Variants in LNX2 observed in about 807,000 individuals in gnomAD.
LNX2 encodes the protein ligand of Numb protein X 2.
In LNX2, 35 loss-of-function variants were observed where a neutral mutation model predicts 66.2. That is an observed-to-expected ratio of 0.53 (90% CI 0.40 to 0.70). The LOEUF (loss-of-function observed/expected upper bound fraction) is 0.70. Ranked by LOEUF, LNX2 falls within the 30% of genes least tolerant of loss-of-function variation. The pLI is 0.00. For synonymous variants in LNX2, 337 were observed against 315.6 expected (o/e 1.07, Z -0.72); for missense variants, 791 against 850.8 (o/e 0.93, Z 0.87).
At chr13:27,562,252 G>A (rs1038021264) in intron 5 of LNX2, among the ~76,000 whole-genome samples, 161 bp downstream of exon 5, 4 of 151,976 alleles carry the variant, frequency 2.6e-5, no homozygotes, top group African/African-American at 9.7e-5. Context: ...CTCCAATGAA[G>A]TTATACTAGT....
At chr13:27,620,333 C>G (rs1055395885) in intron 1 of LNX2, 42 bp downstream of exon 1, 1 of 152,146 alleles carries the variant, frequency 6.6e-6, no homozygotes, top group Non-Finnish European at 1.5e-5. Context: ...CCGCAGCCAG[C>G]GAGAGGGCGC....
intron 3 of LNX2, among the ~76,000 whole-genome samples, chr13:27,568,800 C>G (rs1054985343): frequency 2.0e-5 from 3 of 152,136 alleles, no homozygotes; most frequent in African/African-American, 4.8e-5. Context: ...TTAGGACCAT[C>G]TGCCTCGGGG....
At position 27,550,391 on chromosome 13, in the gene LNX2, G is replaced by A. The variant is rs770836463; in HGVS notation, c.1879C>T (p.Pro627Ser). ...GGYEENHTNQ[P>S]FFIKTIVLGT... ...AAGACAATAGTTTTAATGAAAAAAG[G>A]CTGATTGGTGTGGTTCTCTTCATAT... The change falls in exon 9 of 10, where the codon CCT becomes TCT. Residue 627 changes from proline (P) to serine (S), a missense_variant. Pro to Ser is a moderately conservative substitution (Grantham distance 74). Coordinates refer to ENST00000316334, the MANE Select transcript of LNX2 (RefSeq NM_153371.4). 26 of 1,613,738 alleles carry A rather than the reference G, an allele frequency of 1.6e-5. No individual in the cohort carries two copies. The highest frequency in any genetic ancestry group is 1.0e-5 in the Non-Finnish European group (12 of 1,179,858).
At chr13:27,559,617 A>G (rs1955104096) in intron 6 of LNX2, among the ~76,000 whole-genome samples, 1 of 152,184 alleles carries the variant, frequency 6.6e-6, no homozygotes, top group Non-Finnish European at 1.5e-5. Context: ...CTATCTCCAG[A>G]TCTAAGGAAC....
In LNX2 at chr13:27,548,319, A is replaced by C; in HGVS notation, c.*16T>G. ...TAAAAAAGGAAGATGCAAGATTTGAAACCAATTTCCAAAATCTATACAAGG... is the reference window on the plus strand; with the variant it reads ...TAAAAAAGGAAGATGCAAGATTTGACACCAATTTCCAAAATCTATACAAGG... On this transcript the variant is annotated 3_prime_UTR_variant, in exon 10 of 10. Coordinates refer to ENST00000316334, the MANE Select transcript of LNX2 (RefSeq NM_153371.4). The C allele has an allele frequency of 6.3e-7, 1 of 1,595,278 alleles. No homozygotes were observed. The highest frequency in any genetic ancestry group is 8.5e-7 in the Non-Finnish European group (1 of 1,173,362).
In LNX2 at chr13:27,581,292, C is replaced by T. The variant is rs1168723724; in HGVS notation, c.407+5G>A. 3.4e-6 allele frequency: 5 copies of T among 1,461,106 alleles called. No individual in the cohort carries two copies. The highest frequency in any genetic ancestry group is 2.6e-5 in the Admixed American group (1 of 38,658). 90.5% of individuals were successfully genotyped at this position (1,461,106 alleles called of 1,614,324 possible). A position where few individuals can be genotyped will look rare whatever the true frequency, so the allele number is the denominator to read the frequency against. ...GGAGTTACTTCTTTTATATTTTTTG[C>T]TTACCTGTTTTTGAGATGTGCCTCC... On this transcript the variant is annotated splice_donor_5th_base_variant and intron_variant, in intron 2 of 9. Coordinates refer to ENST00000316334, the MANE Select transcript of LNX2 (RefSeq NM_153371.4).
At position 27,548,480 on chromosome 13, in the gene LNX2, G is replaced by A. The variant is rs1234249114; in HGVS notation, c.1938-10C>T. 2 of 1,607,168 alleles carry A rather than the reference G, an allele frequency of 1.2e-6. No homozygotes were observed. The highest frequency in any genetic ancestry group is 8.5e-7 in the Non-Finnish European group (1 of 1,177,826). ...AATCATGTCACCACACCTGGACAAA[G>A]AGAGACAGATACAGAATGTTACTAT... On this transcript the variant is annotated splice_polypyrimidine_tract_variant and intron_variant, in intron 9 of 9. Transcript: ENST00000316334.
chr13:27,554,300 T>C (rs1277898031), intron 7 of LNX2, among the ~76,000 whole-genome samples: 1 of 152,218 alleles, frequency 6.6e-6, no homozygotes, highest in Non-Finnish European at 1.5e-5. Flanking sequence ...AATTCACCCA[T>C]TTAAAGAACA....
At chr13:27,565,188 G>A (rs1383740304) in intron 4 of LNX2, among the ~76,000 whole-genome samples, 1 of 152,090 alleles carries the variant, frequency 6.6e-6, no homozygotes, top group African/African-American at 2.4e-5. Flanking sequence ...ATCTTTTGAG[G>A]TCTAAAGATT....
chr13:27,607,383 TA>T (rs996721060), intron 1 of LNX2, among the ~76,000 whole-genome samples: 2 of 152,218 alleles, frequency 1.3e-5, no homozygotes, highest in African/African-American at 4.8e-5. Context: ...ATCAGGGCAC[TA>T]AAGTCTTACA....
rs780722626 is a variant in LNX2 at position 27,567,796 on chromosome 13, C to T, written c.699G>A (p.Thr233=). 1.2e-5 allele frequency: 19 copies of T among 1,614,008 alleles called. No homozygotes were observed. Among genetic ancestry groups the T allele is most frequent in the Non-Finnish European group, 1.6e-5 (19 of 1,179,966 alleles). The change falls in exon 4 of 10, where the codon ACG becomes ACA. Residue 233 remains threonine (T), a synonymous_variant. Coordinates refer to ENST00000316334, the MANE Select transcript of LNX2 (RefSeq NM_153371.4). The stretch of plus-strand genomic sequence containing the variant: ...AAGGATTGGACCGATGAATTTCAAT[C>T]GTGGTGATTTCTCCTTCTGGTAAAC... ...PLSLPEGEIT[T]IEIHRSNPYI...
chr13:27,620,824 G>A (rs1388918352), upstream of LNX2: 1 of 153,268 alleles, frequency 6.5e-6, no homozygotes, highest in Non-Finnish European at 1.5e-5. Flanking sequence ...AAGCCCCGCT[G>A]GCTAGGTGTC....
chr13:27,601,263 T>C (rs1955654770), intron 1 of LNX2, among the ~76,000 whole-genome samples: 1 of 152,180 alleles, frequency 6.6e-6, no homozygotes, highest in South Asian at 2.1e-4. Context: ...CTCTGGTCCA[T>C]CTAATTCCAA....
chr13:27,612,332 T>C (rs1256231789), intron 1 of LNX2, among the ~76,000 whole-genome samples: 1 of 152,070 alleles, frequency 6.6e-6, no homozygotes, highest in Non-Finnish European at 1.5e-5. Context: ...ATCCACCTCC[T>C]CCCCCTCCCT....
In LNX2 at chr13:27,559,867, T is replaced by C; in HGVS notation, c.1343A>G (p.Tyr448Cys). Residue 448 changes from tyrosine to cysteine, a missense_variant, in exon 6 of 10, where the codon TAT (tyrosine) becomes TGT (cysteine). By Grantham distance (194) the Tyr-to-Cys change is radical. Transcript: ENST00000316334. ...CTTATGTGAGCTTGGTCTGCTATAA[T>C]ACGGTGGTGGTGTGTGGTGCTGGCT... ...SSSQHHTPPP[Y>C]YSRPSSHKDL... is the part of the protein sequence containing the mutation. 1.2e-6 allele frequency: 2 copies of C among 1,606,516 alleles called. No homozygotes were observed. The highest frequency in any genetic ancestry group is 1.1e-5 in the South Asian group (1 of 90,444).
At chr13:27,602,062 T>C (rs1000716902) in intron 1 of LNX2, among the ~76,000 whole-genome samples, 1 of 152,228 alleles carries the variant, frequency 6.6e-6, no homozygotes, top group Middle Eastern at 3.4e-3. Context: ...AGTATGCATA[T>C]CAACTGAAGT....
intron 7 of LNX2, among the ~76,000 whole-genome samples, chr13:27,555,124 T>C (rs780534121): frequency 6.6e-6 from 1 of 152,166 alleles, no homozygotes; most frequent in Non-Finnish European, 1.5e-5. Flanking sequence ...AATTTTTGTA[T>C]TTTTTGTAGA....
chr13:27,564,998 T>A lies in LNX2; in HGVS notation c.856-2217A>T, dbSNP rs969805530. On this transcript the variant is annotated intron_variant, in intron 4 of 9. Coordinates refer to ENST00000316334, the MANE Select transcript of LNX2 (RefSeq NM_153371.4). Reference sequence around the variant, plus strand: ...ACCCTTTGTGAATTCATTAATCAGATTATGTGCTCAGACTTTTCTTATCAA... The same window carrying A: ...ACCCTTTGTGAATTCATTAATCAGAATATGTGCTCAGACTTTTCTTATCAA... Among the ~76,000 whole-genome samples, 5 of 152,294 alleles carry A rather than the reference T, an allele frequency of 3.3e-5. No individual in the cohort carries two copies. In the East Asian group the frequency reaches 9.6e-4, roughly 29 times the overall value.
At chr13:27,583,043 C>G (rs1593252490) in intron 1 of LNX2, among the ~76,000 whole-genome samples, 1 of 151,980 alleles carries the variant, frequency 6.6e-6, no homozygotes, top group Non-Finnish European at 1.5e-5. Context: ...AAGTACAATA[C>G]TATTTTATTC....
Sources: gnomAD v4.1 joint callset for allele counts (sites outside exome capture counted in the v4.1 genomes callset) on GRCh38, gnomAD v4.1.1 for gene constraint, MANE v1.5 for transcripts, NCBI Gene and HGNC (gene_info 2026-07-23, HGNC 2026-07-21) for gene names.